Variants in GNB1L observed in about 807,000 individuals in gnomAD.
GNB1L encodes G protein subunit beta 1 like.
GNB1L carries 20 observed loss-of-function variants against 29.1 expected under a neutral mutation model. The ratio of observed to expected loss-of-function variants is 0.69; its 90% CI spans 0.48 to 1.00. GNB1L has a LOEUF of 1.00. Ranked by LOEUF, GNB1L falls within the 50% of genes least tolerant of loss-of-function variation. GNB1L has a pLI of 0.00. For missense variants in GNB1L, 421 were observed against 464.9 expected, an observed-to-expected ratio of 0.91 and a Z score of 0.87; for synonymous variants, 193 against 206.5, an observed-to-expected ratio of 0.93 and a Z score of 0.56.
At position 19,810,847 on chromosome 22, in the gene GNB1L, G is replaced by C. The variant is rs1601330133; in HGVS notation, c.417+1438C>G. ...AGAGGTCCCCAGACAGGCTGCCCCGGGAAAAGACAGATGCTGCCCCACAGG... is the reference window on the plus strand; with the variant it reads ...AGAGGTCCCCAGACAGGCTGCCCCGCGAAAAGACAGATGCTGCCCCACAGG... On this transcript the variant is annotated intron_variant, in intron 5 of 7. Coordinates refer to ENST00000329517, the MANE Select transcript of GNB1L (RefSeq NM_053004.3). 2.0e-5 allele frequency among the ~76,000 whole-genome samples: 3 copies of C among 152,318 alleles called. 1 individual carries two copies. Among genetic ancestry groups the C allele is most frequent in the South Asian group, 4.1e-4 (2 of 4,830 alleles).
At chr22:19,844,910 C>T (rs1320363891) in intron 2 of GNB1L, among the ~76,000 whole-genome samples, 1 of 152,240 alleles carries the variant, frequency 6.6e-6, no homozygotes, top group Non-Finnish European at 1.5e-5. Context: ...TTCATGTAGG[C>T]CAGCTGCCGA....
At chr22:19,851,796 G>C (rs146221023) in intron 2 of GNB1L, 37 of 1,613,942 alleles carry the variant, frequency 2.3e-5, no homozygotes, top group Admixed American at 1.3e-4. Context: ...TCAAGGTAGG[G>C]GGCTGCCCAG....
chr22:19,788,193 C>G lies in GNB1L; in HGVS notation c.*516G>C. The stretch of plus-strand genomic sequence containing the variant: ...GGCCTCAACCTGTGTGTTGGGAGCT[C>G]CTGGCCTCCTCGGGGTGAGGGGTCA... On this transcript the variant is annotated 3_prime_UTR_variant, in exon 8 of 8. Coordinates refer to ENST00000329517, the MANE Select transcript of GNB1L (RefSeq NM_053004.3). The G allele has an allele frequency of 4.2e-6, 1 of 235,318 alleles. No individual in the cohort carries two copies. Among genetic ancestry groups the G allele is most frequent in the Non-Finnish European group, 8.3e-6 (1 of 120,526 alleles). 14.6% of individuals were successfully genotyped at this position (235,318 alleles called of 1,614,324 possible). A position where few individuals can be genotyped will look rare whatever the true frequency, so the allele number is the denominator to read the frequency against.
At chr22:19,794,468 G>A (rs987888756) in intron 7 of GNB1L, among the ~76,000 whole-genome samples, 14 of 152,154 alleles carry the variant, frequency 9.2e-5, no homozygotes, top group African/African-American at 3.4e-4. Flanking sequence ...AACAAAAGTG[G>A]CAAGAGGTCT....
chr22:19,851,707 A>C, intron 2 of GNB1L: 2 of 1,602,676 alleles, frequency 1.2e-6, no homozygotes, highest in Non-Finnish European at 1.7e-6. Context: ...GGTACTCAGC[A>C]AAACTGTTCG....
intron 2 of GNB1L, among the ~76,000 whole-genome samples, chr22:19,832,560 G>C (rs561177808): frequency 6.8e-4 from 104 of 152,278 alleles, no homozygotes; most frequent in African/African-American, 2.4e-3. Context: ...TCTAGATAGA[G>C]ATACAGAGAA....
At chr22:19,790,818 C>G (rs1937245297) in intron 7 of GNB1L, among the ~76,000 whole-genome samples, 1 of 152,086 alleles carries the variant, frequency 6.6e-6, no homozygotes, top group Non-Finnish European at 1.5e-5. Context: ...AGGAGGATGC[C>G]AAAGGAACTC....
intron 7 of GNB1L, among the ~76,000 whole-genome samples, chr22:19,798,952 TCTC>T (rs1287426019): frequency 1.3e-5 from 2 of 151,936 alleles, no homozygotes; most frequent in East Asian, 1.9e-4. Context: ...TGCACAAGCC[TCTC>T]CTCCTGATGC....
At chr22:19,846,920 G>GT in intron 2 of GNB1L, 7 of 985,282 alleles carry the variant, frequency 7.1e-6, no homozygotes, top group Non-Finnish European at 8.4e-6. Context: ...AGACAAACAG[G>GT]TATGTTGCCC....
rs191617472 is a variant in GNB1L, at chr22:19,850,825, G to T, written c.-21+3618C>A. The T allele has an allele frequency of 3.8e-6, 5 of 1,304,778 alleles. No individual in the cohort carries two copies. The East Asian group carries it at 1.4e-4, about 37-fold the overall frequency. The allele number at this position is 1,304,778 out of a possible 1,614,324, so 80.8% of individuals were successfully genotyped here. A position where few individuals can be genotyped will look rare whatever the true frequency, so the allele number is the denominator to read the frequency against. ...GACACCAAGGGGGGTGTTTTATGGG[G>T]GTGGAGGTGACAAAGATGATGCAAC... On this transcript the variant is annotated intron_variant, in intron 2 of 7. Coordinates refer to ENST00000329517, the MANE Select transcript of GNB1L (RefSeq NM_053004.3).
At chr22:19,798,721 G>GT (rs915203857) in intron 7 of GNB1L, among the ~76,000 whole-genome samples, 2 of 152,192 alleles carry the variant, frequency 1.3e-5, no homozygotes, top group Admixed American at 6.5e-5. Flanking sequence ...TCAGAAAGCA[G>GT]TGACAGCATC....
intron 7 of GNB1L, among the ~76,000 whole-genome samples, chr22:19,800,254 G>A (rs894577280): frequency 8.5e-5 from 13 of 152,228 alleles, no homozygotes; most frequent in Non-Finnish European, 1.5e-4. Flanking sequence ...CAGGAGAGAC[G>A]AGGCAGATCT....
chr22:19,849,619 G>A (rs1938048456), intron 2 of GNB1L: 1 of 897,840 alleles, frequency 1.1e-6, no homozygotes, highest in African/African-American at 1.8e-5. Flanking sequence ...CACCCACCTT[G>A]GCCTCCCAGA....
intron 2 of GNB1L, chr22:19,851,835 G>A (rs1938109383): frequency 4.3e-6 from 7 of 1,613,996 alleles, no homozygotes; most frequent in East Asian, 4.5e-5. Context: ...AGGCGCCTGA[G>A]GATCTCGCAG....
At chr22:19,850,556 G>A in intron 2 of GNB1L, 1 of 1,115,270 alleles carries the variant, frequency 9.0e-7, no homozygotes, top group Non-Finnish European at 1.1e-6. Context: ...AAACCTTCCA[G>A]CTGCCCAGAA....
At chr22:19,789,836 CAAAAAA>C (rs574569982) in intron 7 of GNB1L, among the ~76,000 whole-genome samples, 1 of 107,732 alleles carries the variant, frequency 9.3e-6, no homozygotes. Context: ...GACCCTGTCT[CAAAAAA>C]AAAAAAAAAA....
intron 2 of GNB1L, among the ~76,000 whole-genome samples, chr22:19,823,138 G>A (rs1028159305): frequency 3.9e-5 from 6 of 152,228 alleles, no homozygotes; most frequent in African/African-American, 1.2e-4. Context: ...AAGGGGTTCC[G>A]AAGACAATGC....
intron 7 of GNB1L, chr22:19,792,722 CA>C: frequency 6.6e-7 from 1 of 1,505,684 alleles, no homozygotes; most frequent in Non-Finnish European, 9.1e-7. Flanking sequence ...TTAACATCGT[CA>C]CCACCTTGGT....
intron 6 of GNB1L, among the ~76,000 whole-genome samples, chr22:19,805,294 G>A (rs572817751): frequency 6.6e-6 from 1 of 152,338 alleles, no homozygotes; most frequent in Non-Finnish European, 1.5e-5. Flanking sequence ...TTCTGGTCAC[G>A]TGGAGAGAGA....
Sources: gnomAD v4.1 joint callset for allele counts (sites outside exome capture counted in the v4.1 genomes callset) on GRCh38, gnomAD v4.1.1 for gene constraint, MANE v1.5 for transcripts, NCBI Gene and HGNC (gene_info 2026-07-23, HGNC 2026-07-21) for gene names.